RXFP1: variants seen among roughly 807,000 people sequenced by gnomAD.
RXFP1 encodes relaxin receptor 1.
Under a neutral mutation model 89.8 loss-of-function variants are expected in RXFP1, and 73 were observed. The ratio of observed to expected loss-of-function variants is 0.81; its 90% confidence interval spans 0.67 to 0.99. The LOEUF (loss-of-function observed/expected upper bound fraction) is 0.99. RXFP1 is among the 50% of genes least tolerant of loss of function. The pLI is 0.00. For missense variants in RXFP1, 793 were observed against 895.5 expected, an observed-to-expected ratio of 0.89 and a Z score of 1.46; for synonymous variants, 277 against 305.5, an observed-to-expected ratio of 0.91 and a Z score of 0.97.
chr4:158,646,986 T>C lies in RXFP1; in HGVS notation c.1541T>C (p.Ile514Thr). Residue 514 changes from isoleucine (I) to threonine (T), a missense_variant, in exon 16 of 18, where the codon ATT becomes ACT. Physicochemically the swap from Ile to Thr is moderately conservative, Grantham distance 89. Transcript: ENST00000307765. ...CTGACATTGGAAAAATACATCTGCA[T>C]TGTCTATCCTTTTAGATGTGTGAGA... ...TFLTLEKYIC[I>T]VYPFRCVRPG... 6.2e-7 allele frequency: 1 copy of C among 1,614,078 alleles called. No homozygotes were observed. The highest frequency in any genetic ancestry group is 8.5e-7 in the Non-Finnish European group (1 of 1,179,912).
At chr4:158,568,059 C>G (rs1465695750) in intron 1 of RXFP1, among the ~76,000 whole-genome samples, 1 of 152,186 alleles carries the variant, frequency 6.6e-6, no homozygotes, top group Non-Finnish European at 1.5e-5. Flanking sequence ...GAGGAATGAA[C>G]AACTCCGAAC....
At chr4:158,598,775 A>G (rs532888117) in intron 3 of RXFP1, among the ~76,000 whole-genome samples, 1 of 152,026 alleles carries the variant, frequency 6.6e-6, no homozygotes, top group Non-Finnish European at 1.5e-5. Flanking sequence ...CTTTACCCCT[A>G]TTTAAGCCAA....
At chr4:158,622,235 C>T (rs1765759410) in intron 9 of RXFP1, among the ~76,000 whole-genome samples, 4 of 151,922 alleles carry the variant, frequency 2.6e-5, no homozygotes, top group South Asian at 2.1e-4. Flanking sequence ...CACTTGAACC[C>T]GGGAGGCGGA....
chr4:158,528,365 T>G (rs1261968158), intron 1 of RXFP1, among the ~76,000 whole-genome samples: 1 of 151,934 alleles, frequency 6.6e-6, no homozygotes, highest in African/African-American at 2.4e-5. Flanking sequence ...ATTTAGCCAG[T>G]CGTGGTGGCA....
intron 9 of RXFP1, among the ~76,000 whole-genome samples, chr4:158,626,111 TATAGATAGATAGATAGATAG>T (rs71587463): frequency 0.013 from 1,793 of 136,678 alleles, 21 homozygotes; most frequent in South Asian, 0.027. Flanking sequence ...TAGATATCTA[TATAGATAGATAGATAGATAG>T]ATAGATAGAT....
At chr4:158,645,784 A>G (rs527468152) in intron 15 of RXFP1, among the ~76,000 whole-genome samples, 1 of 152,248 alleles carries the variant, frequency 6.6e-6, no homozygotes, top group Middle Eastern at 3.4e-3. Context: ...TAAAGCATCA[A>G]TCTACATGAG....
At chr4:158,568,783 C>A (rs1206670515) in intron 1 of RXFP1, among the ~76,000 whole-genome samples, 1 of 152,188 alleles carries the variant, frequency 6.6e-6, no homozygotes, top group Admixed American at 6.5e-5. Flanking sequence ...GATTGCTTCT[C>A]TCTATGAGAA....
intron 1 of RXFP1, among the ~76,000 whole-genome samples, chr4:158,542,109 A>ATATATTTTTT: frequency 0.07 from 2,458 of 34,916 alleles, 296 homozygotes; most frequent in Non-Finnish European, 0.1. Flanking sequence ...ATATATATAT[A>ATATATTTTTT]TTTTTTTTTT....
intron 14 of RXFP1, among the ~76,000 whole-genome samples, chr4:158,641,681 A>G (rs1469038665): frequency 1.3e-5 from 2 of 152,208 alleles, no homozygotes; most frequent in African/African-American, 2.4e-5. Flanking sequence ...ATCTTTTCTT[A>G]TTATAGCTCT....
chr4:158,575,305 ACT>A (rs1378149085), intron 2 of RXFP1, among the ~76,000 whole-genome samples: 2 of 152,124 alleles, frequency 1.3e-5, no homozygotes, highest in Non-Finnish European at 2.9e-5. Flanking sequence ...TCAGAGTTAA[ACT>A]CTAGCTATAA....
intron 9 of RXFP1, among the ~76,000 whole-genome samples, chr4:158,619,822 CA>C (rs138905220): frequency 6.6e-4 from 91 of 137,756 alleles, no homozygotes; most frequent in African/African-American, 1.4e-3. Context: ...AGGGTACCAA[CA>C]AAAAAAAAAA....
chr4:158,588,077 A>C (rs1758651659), intron 2 of RXFP1, among the ~76,000 whole-genome samples: 1 of 152,196 alleles, frequency 6.6e-6, no homozygotes, highest in Non-Finnish European at 1.5e-5. Flanking sequence ...CCTGACAGCC[A>C]AGGAAATATA....
chr4:158,576,465 A>G (rs1756222304), intron 2 of RXFP1, among the ~76,000 whole-genome samples: 1 of 151,978 alleles, frequency 6.6e-6, no homozygotes, highest in Non-Finnish European at 1.5e-5. Context: ...AGAAATGAAA[A>G]TTCTCAGGCT....
chr4:158,610,600 A>G (rs1305711779), intron 6 of RXFP1: 2 of 1,066,052 alleles, frequency 1.9e-6, no homozygotes, highest in African/African-American at 1.6e-5. Context: ...CAAAATTGCT[A>G]TTATGGTTCA....
Position 158,639,845 on chromosome 4 carries a change from G to A in RXFP1, c.1115+514G>A, listed in dbSNP as rs559174672. ...ACTGCACTCCAGCCTGGGCGACAGA[G>A]TGAGACTCCATCTCAAAAAGAAAAA... On this transcript the variant is annotated intron_variant, in intron 14 of 17. Coordinates refer to ENST00000307765, the MANE Select transcript of RXFP1 (RefSeq NM_021634.4). 3.9e-5 allele frequency among the ~76,000 whole-genome samples: 6 copies of A among 152,198 alleles called. No homozygotes were observed. In the East Asian group the frequency reaches 1.2e-3, roughly 29 times the overall value.
At position 158,527,527 on chromosome 4, in the gene RXFP1, G is replaced by A. The variant is rs1300989238; in HGVS notation, c.49+5502G>A. On this transcript the variant is annotated intron_variant, in intron 1 of 17. Coordinates refer to ENST00000307765, the MANE Select transcript of RXFP1 (RefSeq NM_021634.4). ...CACTGCACTCCAGACTAGGTGACAA[G>A]AGTGAGACTCCATCTCCCCCGCTCC... Among the ~76,000 whole-genome samples, 38 of 133,938 alleles carry A rather than the reference G, an allele frequency of 2.8e-4. No individual in the cohort carries two copies. The South Asian group carries it at 8.7e-3, about 31-fold the overall frequency. The allele number at this position is 133,938 out of a possible 152,430, so 87.9% of individuals were successfully genotyped here.
At chr4:158,604,306 A>G (rs1045726357) in intron 4 of RXFP1, among the ~76,000 whole-genome samples, 1 of 152,148 alleles carries the variant, frequency 6.6e-6, no homozygotes, top group Non-Finnish European at 1.5e-5. Flanking sequence ...ATACCATCTA[A>G]TCCAAATCCC....
In RXFP1 at chr4:158,653,317, T is replaced by C. The variant is rs1028216936; in HGVS notation, c.*1262T>C. ...CAAACCATAATGCACTTATTGAATA[T>C]ATAGTTGTATAGATTTGTTCTGAAA... On this transcript the variant is annotated 3_prime_UTR_variant, in exon 18 of 18. Coordinates refer to ENST00000307765, the MANE Select transcript of RXFP1 (RefSeq NM_021634.4). The C allele has an allele frequency of 5.3e-5, 8 of 152,238 alleles. No individual in the cohort carries two copies. Among genetic ancestry groups the C allele is most frequent in the African/African-American group, 1.9e-4 (8 of 41,468 alleles). 9.4% of individuals were successfully genotyped at this position (152,238 alleles called of 1,614,324 possible).
chr4:158,568,403 A>C (rs1283090904), intron 1 of RXFP1, among the ~76,000 whole-genome samples: 1 of 152,264 alleles, frequency 6.6e-6, no homozygotes, highest in East Asian at 1.9e-4. Flanking sequence ...GCTGCATGAA[A>C]ACACAGGCAG....
Sources: allele counts gnomAD v4.1 joint callset (sites outside exome capture counted in the v4.1 genomes callset), GRCh38; gene constraint gnomAD v4.1.1; transcripts MANE v1.5; gene names NCBI Gene and HGNC (gene_info 2026-07-23, HGNC 2026-07-21).